Variants in NCAM2 observed in about 807,000 individuals in gnomAD.
The protein encoded by NCAM2 is N-CAM-2.
A neutral mutation model predicts 98.1 loss-of-function variants in NCAM2; 30 were observed. The observed-to-expected ratio is 0.31, with a 90% CI of 0.23 to 0.41. The LOEUF (loss-of-function observed/expected upper bound fraction) is 0.41. Among genes scored for constraint, NCAM2 ranks in the 10% least tolerant of loss-of-function variants. The pLI, the probability that NCAM2 is intolerant of heterozygous loss-of-function variation, is 1.00. For missense variants in NCAM2, 867 were observed against 1,005.8 expected, an observed-to-expected ratio of 0.86 and a Z score of 1.87; for synonymous variants, 368 against 342.4, an observed-to-expected ratio of 1.07 and a Z score of -0.83.
At chr21:21,514,257 C>T (rs998781062) in intron 16 of NCAM2, among the ~76,000 whole-genome samples, 3 of 151,070 alleles carry the variant, frequency 2.0e-5, no homozygotes, top group African/African-American at 7.3e-5. Flanking sequence ...GGGTGGATCA[C>T]CTGAGGTCAG....
chr21:21,191,466 A>T (rs1031651953), intron 1 of NCAM2, among the ~76,000 whole-genome samples: 12 of 152,308 alleles, frequency 7.9e-5, no homozygotes, highest in African/African-American at 1.2e-4. Context: ...TCTTAGCACA[A>T]ACTTACATGC....
chr21:21,314,726 CTCTCT>C (rs1568923713), intron 5 of NCAM2, among the ~76,000 whole-genome samples: 2 of 149,662 alleles, frequency 1.3e-5, no homozygotes. Flanking sequence ...TTTGATAACT[CTCTCT>C]GTCAATCAAT....
intron 5 of NCAM2, among the ~76,000 whole-genome samples, chr21:21,319,743 C>T (rs760209554): frequency 3.3e-5 from 5 of 151,466 alleles, no homozygotes; most frequent in South Asian, 2.1e-4. Context: ...ATATGATCTA[C>T]GCAAAAAGCC....
intron 1 of NCAM2, among the ~76,000 whole-genome samples, chr21:21,131,848 A>G (rs1041989077): frequency 6.6e-6 from 1 of 152,214 alleles, no homozygotes; most frequent in Non-Finnish European, 1.5e-5. Context: ...ACTAGAAAAG[A>G]TTCTGTATAC....
intron 1 of NCAM2, among the ~76,000 whole-genome samples, chr21:21,029,549 C>T (rs1003854388): frequency 2.6e-5 from 4 of 152,110 alleles, no homozygotes; most frequent in African/African-American, 9.7e-5. Flanking sequence ...AATAGCATTG[C>T]CTTTCAGAAT....
At chr21:21,514,250 T>C (rs893857516) in intron 16 of NCAM2, among the ~76,000 whole-genome samples, 1 of 151,100 alleles carries the variant, frequency 6.6e-6, no homozygotes, top group Non-Finnish European at 1.5e-5. Context: ...CTGAGGCGGG[T>C]GGATCACCTG....
chr21:21,250,550 C>T (rs13047905), intron 1 of NCAM2, among the ~76,000 whole-genome samples: 151,007 of 152,304 alleles, frequency 0.99, 74,876 homozygotes, highest in East Asian at 1. Context: ...ACACAGACTG[C>T]GGAAGGTAAC....
At chr21:21,228,747 C>T (rs932870747) in intron 1 of NCAM2, among the ~76,000 whole-genome samples, 3 of 151,286 alleles carry the variant, frequency 2.0e-5, no homozygotes, top group Non-Finnish European at 3.0e-5. Context: ...AGTATTTACA[C>T]CTGGGAGGCA....
At chr21:21,165,499 G>C (rs1245358238) in intron 1 of NCAM2, among the ~76,000 whole-genome samples, 1 of 152,030 alleles carries the variant, frequency 6.6e-6, no homozygotes, top group Non-Finnish European at 1.5e-5. Flanking sequence ...TGTGGCCCAG[G>C]GCCTCAAGCA....
intron 1 of NCAM2, among the ~76,000 whole-genome samples, chr21:21,277,194 A>G (rs1277890245): frequency 6.6e-6 from 1 of 152,128 alleles, no homozygotes; most frequent in Non-Finnish European, 1.5e-5. Context: ...TCGGTGTTCT[A>G]TAACTAGCAC....
intron 11 of NCAM2, among the ~76,000 whole-genome samples, chr21:21,426,736 G>A (rs896824567): frequency 2.0e-5 from 3 of 152,068 alleles, no homozygotes; most frequent in Admixed American, 2.0e-4. Flanking sequence ...CACCTCCTGA[G>A]AAAAGTGGGA....
At chr21:21,333,427 A>C (rs2074770012) in intron 6 of NCAM2, among the ~76,000 whole-genome samples, 1 of 152,194 alleles carries the variant, frequency 6.6e-6, no homozygotes, top group South Asian at 2.1e-4. Context: ...CCTGCTCAAA[A>C]AAGTTGTAAG....
chr21:21,359,949 T>G (rs1165937941), intron 8 of NCAM2, among the ~76,000 whole-genome samples: 1 of 151,904 alleles, frequency 6.6e-6, no homozygotes, highest in Non-Finnish European at 1.5e-5. Flanking sequence ...AATGAATGTA[T>G]GTACAGCAAT....
chr21:21,082,283 A>AAAC lies in NCAM2; in HGVS notation c.55+83667_55+83668insCAA, dbSNP rs550878190. On this transcript the variant is annotated intron_variant, in intron 1 of 17. Coordinates refer to ENST00000400546, the MANE Select transcript of NCAM2 (RefSeq NM_004540.5). Reference sequence around the variant, plus strand: ...TTTGTACCTATCAGAGCTCAAAACAAAAAAAAAAAAACAAAACAAAAACAC... The same window carrying AAAC: ...TTTGTACCTATCAGAGCTCAAAACAAAACAAAAAAAAAAACAAAACAAAAACAC... 7.7e-3 allele frequency among the ~76,000 whole-genome samples: 1,024 copies of AAAC among 133,146 alleles called. 14 individuals carry two copies. The highest frequency in any genetic ancestry group is 0.034 in the African/African-American group (885 of 26,306). 87.3% of individuals were successfully genotyped at this position (133,146 alleles called of 152,430 possible). A position where few individuals can be genotyped will look rare whatever the true frequency, so the allele number is the denominator to read the frequency against.
At chr21:21,275,700 G>A (rs999774527) in intron 1 of NCAM2, among the ~76,000 whole-genome samples, 3 of 151,878 alleles carry the variant, frequency 2.0e-5, no homozygotes, top group Non-Finnish European at 2.9e-5. Context: ...CAGATGTAAC[G>A]TACCTTGAAT....
chr21:21,156,821 T>C (rs2067628308), intron 1 of NCAM2, among the ~76,000 whole-genome samples: 1 of 152,118 alleles, frequency 6.6e-6, no homozygotes, highest in Non-Finnish European at 1.5e-5. Flanking sequence ...GTAATGTATC[T>C]CGCAACAAAG....
At chr21:21,022,289 TAATG>T (rs778834930) in intron 1 of NCAM2, among the ~76,000 whole-genome samples, 3 of 152,108 alleles carry the variant, frequency 2.0e-5, no homozygotes, top group Non-Finnish European at 4.4e-5. Context: ...ATTGGAAACT[TAATG>T]AAGAATATAT....
At chr21:21,073,041 C>T (rs2146372008) in intron 1 of NCAM2, among the ~76,000 whole-genome samples, 1 of 152,232 alleles carries the variant, frequency 6.6e-6, no homozygotes, top group South Asian at 2.1e-4. Context: ...TTTGGCTGCT[C>T]TGTGTACTTG....
chr21:21,534,681 A>T, intron 17 of NCAM2, 25 bp downstream of exon 17: 3 of 1,536,136 alleles, frequency 2.0e-6, no homozygotes, highest in South Asian at 1.3e-5. Flanking sequence ...GTGCTCACTT[A>T]TGTTCAAATG....
Sources: gnomAD v4.1 joint callset for allele counts (sites outside exome capture counted in the v4.1 genomes callset) on GRCh38, gnomAD v4.1.1 for gene constraint, MANE v1.5 for transcripts, NCBI Gene and HGNC (gene_info 2026-07-23, HGNC 2026-07-21) for gene names.